The following DPP6 variants were observed in gnomAD, a reference collection of about 807,000 sequenced individuals.
DPP6 encodes the protein A-type potassium channel modulatory protein DPP6.
In DPP6, 69 loss-of-function variants were observed where a neutral mutation model predicts 122.6. The ratio of observed to expected loss-of-function variants is 0.56; its 90% CI spans 0.46 to 0.69. The LOEUF is 0.69. DPP6 is among the 30% of genes least tolerant of loss of function. The pLI is 0.00. For missense variants in DPP6, 928 were observed against 1,116.9 expected, an observed-to-expected ratio of 0.83 and a Z score of 2.41; for synonymous variants, 418 against 433.1, an observed-to-expected ratio of 0.97 and a Z score of 0.43.
intron 1 of DPP6, among the ~76,000 whole-genome samples, chr7:153,997,593 G>GCGCA (rs1554430189): frequency 5.7e-4 from 83 of 146,086 alleles, no homozygotes; most frequent in African/African-American, 2.1e-3. Context: ...TGAGTGCACA[G>GCGCA]CACACACACA....
the DPP6 span, among the ~76,000 whole-genome samples, chr7:153,774,351 C>G: frequency 6.6e-6 from 1 of 152,188 alleles, no homozygotes; most frequent in African/African-American, 2.4e-5. Context: ...TTGCAACATA[C>G]AGGCTAAAAT....
At chr7:154,813,696 T>C (rs1471221855) in intron 16 of DPP6, among the ~76,000 whole-genome samples, 1 of 152,078 alleles carries the variant, frequency 6.6e-6, no homozygotes, top group East Asian at 1.9e-4. Flanking sequence ...TGTCTGGAAG[T>C]GAAGCCAGCT....
At chr7:154,528,111 G>A (rs891958639) in intron 3 of DPP6, among the ~76,000 whole-genome samples, 2 of 152,088 alleles carry the variant, frequency 1.3e-5, no homozygotes, top group African/African-American at 4.8e-5. Context: ...GAGATGAGTG[G>A]CATATTTTAA....
chr7:154,287,540 C>T (rs1229487763), intron 1 of DPP6, among the ~76,000 whole-genome samples: 1 of 152,156 alleles, frequency 6.6e-6, no homozygotes, highest in African/African-American at 2.4e-5. Context: ...ATCTATTCTC[C>T]AAGAATTCTG....
intron 1 of DPP6, among the ~76,000 whole-genome samples, chr7:154,379,823 C>A (rs911897084): frequency 1.3e-5 from 2 of 152,090 alleles, no homozygotes; most frequent in African/African-American, 4.8e-5. Context: ...AAGCCAATAG[C>A]CAAACTAAGC....
the DPP6 span, among the ~76,000 whole-genome samples, chr7:153,775,018 A>G: frequency 1.3e-5 from 2 of 151,448 alleles, no homozygotes; most frequent in Non-Finnish European, 1.5e-5. Context: ...TATTCTAAAA[A>G]GCAGAGAAGA....
intron 3 of DPP6, among the ~76,000 whole-genome samples, chr7:154,499,107 G>T (rs1186266417): frequency 1.3e-5 from 2 of 152,196 alleles, no homozygotes; most frequent in East Asian, 3.9e-4. Flanking sequence ...TCGGGGAGGA[G>T]AATATTTTTA....
In DPP6 at chr7:154,769,577, C is replaced by T. The variant is rs1322432187; in HGVS notation, c.1038+6C>T. ...AGCCCTACCACTATCCCAAGGTAGG[C>T]AAAGGGACACCGCACAGCAAATTCT... On this transcript the variant is annotated splice_donor_region_variant and intron_variant, in intron 9 of 25. Transcript: ENST00000377770. 1 of 1,591,732 alleles carries T rather than the reference C, an allele frequency of 6.3e-7. No homozygotes were observed. Among genetic ancestry groups the T allele is most frequent in the Non-Finnish European group, 8.6e-7 (1 of 1,166,488 alleles).
chr7:153,985,260 T>TA (rs1796784288), intron 1 of DPP6, among the ~76,000 whole-genome samples: 1 of 152,206 alleles, frequency 6.6e-6, no homozygotes, highest in Non-Finnish European at 1.5e-5. Flanking sequence ...GGTACAGAAA[T>TA]AATCTGTGGA....
chr7:154,743,583 G>T (rs1164026050), intron 8 of DPP6, among the ~76,000 whole-genome samples: 1 of 152,198 alleles, frequency 6.6e-6, no homozygotes, highest in East Asian at 1.9e-4. Flanking sequence ...CAGGGCTAGA[G>T]GTGATTAGCC....
rs1804999240 is a variant in DPP6 at position 154,877,587 on chromosome 7, C to T, written c.2078+1487C>T. ...ATGGTCTCATCCTAAGCCGAGCCCT[C>T]AGTCACGGGGTGGCCCTCAGTAGCA... is the stretch of plus-strand genomic sequence containing the variant. On this transcript the variant is annotated intron_variant, in intron 20 of 25. Transcript: ENST00000377770. The surrounding 1 kb of genome is among the most constrained non-coding windows in gnomAD (Gnocchi z 5.2). 6.6e-6 allele frequency among the ~76,000 whole-genome samples: 1 copy of T among 152,216 alleles called. No individual in the cohort carries two copies. The highest frequency in any genetic ancestry group is 2.4e-5 in the African/African-American group (1 of 41,468).
Position 154,062,196 on chromosome 7 carries a change from C to T in DPP6, c.243+9133C>T, listed in dbSNP as rs1271198327. 1.4e-4 allele frequency among the ~76,000 whole-genome samples: 14 copies of T among 102,360 alleles called. 3 individuals are homozygous for T. In the East Asian group the frequency reaches 1.6e-3, roughly 12 times the overall value. The allele number at this position is 102,360 out of a possible 152,430, so 67.2% of individuals were successfully genotyped here. On this transcript the variant is annotated intron_variant, in intron 1 of 25. Transcript: ENST00000377770. ...CGTTGATCCTAAGATCCTTAGGACC[C>T]ACCTGGAGGACTGCGGGTGTTAGGT...
At chr7:154,842,941 A>G (rs540547245) in intron 16 of DPP6, among the ~76,000 whole-genome samples, 1 of 152,350 alleles carries the variant, frequency 6.6e-6, no homozygotes, top group South Asian at 2.1e-4. Context: ...TCAAGGACTT[A>G]GGAAATATGA....
intron 1 of DPP6, among the ~76,000 whole-genome samples, chr7:154,170,341 C>T (rs984227614): frequency 2.0e-5 from 3 of 152,104 alleles, no homozygotes; most frequent in African/African-American, 4.8e-5. Context: ...CCTTATCCTT[C>T]CTAACTTTCC....
At chr7:154,744,467 C>A (rs568411960) in intron 8 of DPP6, among the ~76,000 whole-genome samples, 1 of 152,252 alleles carries the variant, frequency 6.6e-6, no homozygotes, top group African/African-American at 2.4e-5. Flanking sequence ...CTGGGCCCCC[C>A]ACGGTGTTGA....
chr7:154,354,241 C>T (rs1811099548), intron 1 of DPP6, among the ~76,000 whole-genome samples: 1 of 152,194 alleles, frequency 6.6e-6, no homozygotes, highest in Non-Finnish European at 1.5e-5. Context: ...TGCTCTCTTT[C>T]TATGAGTTCC....
intron 1 of DPP6, among the ~76,000 whole-genome samples, chr7:154,356,581 C>CA (rs1023536504): frequency 6.1e-5 from 9 of 147,716 alleles, no homozygotes; most frequent in Admixed American, 2.0e-4. Context: ...ACCCCCCCAC[C>CA]AAAAAAAAAA....
At chr7:154,252,250 G>A (rs976807123) in intron 1 of DPP6, among the ~76,000 whole-genome samples, 6 of 151,246 alleles carry the variant, frequency 4.0e-5, no homozygotes, top group East Asian at 2.0e-4. Flanking sequence ...GCATGCGCAC[G>A]GTGGTGGTGG....
the DPP6 span, among the ~76,000 whole-genome samples, chr7:153,878,191 C>T: frequency 3.9e-5 from 6 of 152,126 alleles, no homozygotes. Context: ...TTTGTGCAGC[C>T]TCTGTTTATC....
Sources: allele counts gnomAD v4.1 joint callset (sites outside exome capture counted in the v4.1 genomes callset), GRCh38; gene constraint gnomAD v4.1.1; non-coding constraint Gnocchi (gnomAD v3.1); transcripts MANE v1.5; gene names NCBI Gene and HGNC (gene_info 2026-07-23, HGNC 2026-07-21).